The following HS3ST5 variants were observed in gnomAD, a reference collection of about 807,000 sequenced individuals.
HS3ST5 encodes the protein heparan sulfate-glucosamine 3-sulfotransferase 5, also known as heparan sulfate glucosamine 3-O-sulfotransferase 5.
HS3ST5 carries 10 observed loss-of-function variants against 25.4 expected under a neutral mutation model. That is an observed-to-expected ratio of 0.39 (90% CI 0.24 to 0.67). The LOEUF (loss-of-function observed/expected upper bound fraction) is 0.67. Ranked by LOEUF, HS3ST5 falls within the 30% of genes least tolerant of loss-of-function variation. The pLI is 0.44. For synonymous variants in HS3ST5, 170 were observed against 162.4 expected (o/e 1.05, Z -0.36); for missense variants, 324 against 420.7 (o/e 0.77, Z 2.01).
chr6:114,088,358 T>C (rs1774947893), intron 3 of HS3ST5, among the ~76,000 whole-genome samples: 1 of 152,092 alleles, frequency 6.6e-6, no homozygotes, highest in African/African-American at 2.4e-5. Flanking sequence ...TTTCTTATTC[T>C]TTTCTTCTGC....
chr6:114,088,223 A>G (rs1048690180), intron 3 of HS3ST5, among the ~76,000 whole-genome samples: 2 of 152,066 alleles, frequency 1.3e-5, no homozygotes, highest in African/African-American at 4.8e-5. Flanking sequence ...TACAGCATAA[A>G]ATCCCAGCAC....
chr6:114,303,433 G>T lies in HS3ST5; in HGVS notation c.-339+38762C>A, dbSNP rs116015057. 8.9e-3 allele frequency among the ~76,000 whole-genome samples: 1,303 copies of T among 146,558 alleles called. 23 individuals are homozygous for T. Among genetic ancestry groups the T allele is most frequent in the African/African-American group, 0.032 (1,244 of 39,374 alleles). ...AGGAGGTCCAAAAACCTGAAAATTT[G>T]TAAGCAAAATATATCATACTGTGTT... On this transcript the variant is annotated intron_variant, in intron 1 of 4. Transcript: ENST00000312719.
chr6:114,103,359 A>G (rs962818264), intron 3 of HS3ST5, among the ~76,000 whole-genome samples: 2 of 152,168 alleles, frequency 1.3e-5, no homozygotes, highest in African/African-American at 4.8e-5. Context: ...TGATAAACAC[A>G]TCAACCTCTG....
intron 2 of HS3ST5, among the ~76,000 whole-genome samples, chr6:114,175,920 C>G (rs1779701353): frequency 6.6e-6 from 1 of 152,122 alleles, no homozygotes; most frequent in Admixed American, 6.6e-5. Flanking sequence ...ATTCCTTTGT[C>G]TCTTTAGTAT....
intron 1 of HS3ST5, among the ~76,000 whole-genome samples, chr6:114,292,570 AC>A (rs1456690939): frequency 6.6e-6 from 1 of 152,218 alleles, no homozygotes; most frequent in Non-Finnish European, 1.5e-5. Flanking sequence ...AAAAGTGTTC[AC>A]TGAATGAATA....
At chr6:114,216,383 G>A (rs1781763022) in intron 2 of HS3ST5, among the ~76,000 whole-genome samples, 4 of 152,084 alleles carry the variant, frequency 2.6e-5, no homozygotes, top group Admixed American at 2.6e-4. Context: ...TATGATACAG[G>A]CTGTTAATTT....
At chr6:114,121,327 A>G (rs998553747) in intron 3 of HS3ST5, among the ~76,000 whole-genome samples, 1 of 152,140 alleles carries the variant, frequency 6.6e-6, no homozygotes, top group African/African-American at 2.4e-5. Flanking sequence ...CACAGTGTCA[A>G]CTCAACTCCT....
Position 114,267,555 on chromosome 6 carries a change from C to T in HS3ST5, c.-338-38777G>A, listed in dbSNP as rs71566765. Among the ~76,000 whole-genome samples, 595 of 152,252 alleles carry T rather than the reference C, an allele frequency of 3.9e-3. 2 individuals are homozygous for T. Among genetic ancestry groups the T allele is most frequent in the Middle Eastern group, 0.01 (3 of 294 alleles). On this transcript the variant is annotated intron_variant, in intron 1 of 4. Transcript: ENST00000312719. ...GAGAACACAAGGCACAAGCACCCTT[C>T]CTAGAATCGGGGTAGCATAAATCTA...
rs540185996 is a variant in HS3ST5 at position 114,128,875 on chromosome 6, A to G, written c.-33+39476T>C. Among the ~76,000 whole-genome samples, 25 of 152,334 alleles carry G rather than the reference A, an allele frequency of 1.6e-4. No homozygotes were observed. In the South Asian group the frequency reaches 5.2e-3, roughly 32 times the overall value. On this transcript the variant is annotated intron_variant, in intron 3 of 4. Coordinates refer to ENST00000312719, the MANE Select transcript of HS3ST5 (RefSeq NM_153612.4). ...CCCTTAGTTGTTAAAAATATTAGGT[A>G]GACACACATATTTTGCAGTGAAGAA...
chr6:114,165,686 C>T (rs778137197), intron 3 of HS3ST5, among the ~76,000 whole-genome samples: 11 of 152,124 alleles, frequency 7.2e-5, no homozygotes, highest in East Asian at 3.9e-4. Context: ...CTGAACCTCG[C>T]GCTCACTTCA....
chr6:114,246,416 C>T (rs1012208915), intron 1 of HS3ST5, among the ~76,000 whole-genome samples: 1 of 152,096 alleles, frequency 6.6e-6, no homozygotes, highest in African/African-American at 2.4e-5. Context: ...TTTTGTAATC[C>T]ATCAAGCACT....
At chr6:114,332,422 A>C (rs574493635) in intron 1 of HS3ST5, among the ~76,000 whole-genome samples, 7 of 152,168 alleles carry the variant, frequency 4.6e-5, no homozygotes, top group Non-Finnish European at 1.0e-4. Context: ...AAGACTAATA[A>C]AGTAATCATA....
chr6:114,076,097 A>C (rs1213266854), intron 3 of HS3ST5, among the ~76,000 whole-genome samples: 2 of 152,210 alleles, frequency 1.3e-5, no homozygotes, highest in East Asian at 3.9e-4. Flanking sequence ...TCTATCAAAC[A>C]GGTAAGAAAA....
chr6:114,064,645 T>C lies in HS3ST5; in HGVS notation c.-32-1768A>G, dbSNP rs1053934241. Among the ~76,000 whole-genome samples the C allele has an allele frequency of 2.0e-5, 3 of 152,348 alleles. No individual in the cohort carries two copies. The East Asian group carries it at 5.8e-4, about 29-fold the overall frequency. ...CTGTATTGGGTACTATGGAGAATAG[T>C]GGCCAATTAAATAGACATGTTCTTG... On this transcript the variant is annotated intron_variant, in intron 3 of 4. Transcript: ENST00000312719.
At chr6:114,085,575 C>A (rs916392574) in intron 3 of HS3ST5, among the ~76,000 whole-genome samples, 7 of 152,146 alleles carry the variant, frequency 4.6e-5, no homozygotes, top group African/African-American at 7.2e-5. Context: ...CTGCACTGAC[C>A]AAGACCTAGG....
At chr6:114,106,869 G>A (rs1051625228) in intron 3 of HS3ST5, among the ~76,000 whole-genome samples, 1 of 152,026 alleles carries the variant, frequency 6.6e-6, no homozygotes, top group Non-Finnish European at 1.5e-5. Context: ...TAAGATATAA[G>A]TTCTATAAGA....
At chr6:114,341,329 T>A (rs1322121868) in intron 1 of HS3ST5, among the ~76,000 whole-genome samples, 1 of 149,846 alleles carries the variant, frequency 6.7e-6, no homozygotes, top group Non-Finnish European at 1.5e-5. Flanking sequence ...GTGGGTGCCC[T>A]GAAGCACTGA....
At chr6:114,329,579 G>A (rs774463942) in intron 1 of HS3ST5, among the ~76,000 whole-genome samples, 1 of 152,156 alleles carries the variant, frequency 6.6e-6, no homozygotes, top group African/African-American at 2.4e-5. Flanking sequence ...GCAGTGGAAA[G>A]GGAAACTGGA....
At chr6:114,147,052 A>C (rs1461134183) in intron 3 of HS3ST5, among the ~76,000 whole-genome samples, 1 of 152,078 alleles carries the variant, frequency 6.6e-6, no homozygotes, top group East Asian at 1.9e-4. Flanking sequence ...TCTGAATGGG[A>C]GATTATACTG....
Sources: allele counts gnomAD v4.1 joint callset (sites outside exome capture counted in the v4.1 genomes callset), GRCh38; gene constraint gnomAD v4.1.1; transcripts MANE v1.5; gene names NCBI Gene and HGNC (gene_info 2026-07-23, HGNC 2026-07-21).